The following ZNF385D variants were observed in gnomAD, a reference collection of about 807,000 sequenced individuals.
ZNF385D encodes the protein zinc finger protein 659.
Under a neutral mutation model 35.8 loss-of-function variants are expected in ZNF385D, and 15 were observed. The ratio of observed to expected loss-of-function variants is 0.42; its 90% CI spans 0.28 to 0.64. The LOEUF (loss-of-function observed/expected upper bound fraction) is 0.64, where lower values mean the gene tolerates loss of function less well. ZNF385D is among the 30% of genes least tolerant of loss of function. The pLI, the probability that ZNF385D is intolerant of heterozygous loss-of-function variation, is 0.23. For synonymous variants in ZNF385D, 212 were observed against 186.8 expected (o/e 1.13, Z -1.10); for missense variants, 474 against 494.6 (o/e 0.96, Z 0.39).
chr3:21,761,869 C>CTTTT lies in ZNF385D; in HGVS notation c.326-96845_326-96842dup, dbSNP rs58790934. On this transcript the variant is annotated intron_variant, in intron 3 of 5. Coordinates refer to the ZNF385D transcript ENST00000494108. ...TTATGATTTCAAGAGCATTTTCTTCCTTTTTTTTTTTTTTTTTTTTTTTTT... is the reference window on the plus strand; with the variant it reads ...TTATGATTTCAAGAGCATTTTCTTCCTTTTTTTTTTTTTTTTTTTTTTTTTTTTT... Among the ~76,000 whole-genome samples the CTTTT allele has an allele frequency of 5.4e-4, 42 of 77,222 alleles. 6 individuals carry two copies. The highest frequency in any genetic ancestry group is 1.9e-3 in the East Asian group (4 of 2,086). The allele number at this position is 77,222 out of a possible 152,430, so 50.7% of individuals were successfully genotyped here.
At chr3:21,700,326 G>A (rs2067634932) in intron 1 of ZNF385D, among the ~76,000 whole-genome samples, 1 of 152,086 alleles carries the variant, frequency 6.6e-6, no homozygotes, top group Non-Finnish European at 1.5e-5. Flanking sequence ...TGAGGGAATA[G>A]TCAGAAATAA....
intron 3 of ZNF385D, among the ~76,000 whole-genome samples, chr3:21,844,139 A>C (rs1695852745): frequency 6.6e-6 from 1 of 151,986 alleles, no homozygotes; most frequent in South Asian, 2.1e-4. Context: ...TATGTAATTT[A>C]ACCTTAAAAC....
intron 3 of ZNF385D, among the ~76,000 whole-genome samples, chr3:21,866,156 T>TTATTA (rs1034021058): frequency 1.7e-4 from 26 of 151,214 alleles, no homozygotes; most frequent in African/African-American, 5.6e-4. Flanking sequence ...AATCTGGTAT[T>TTATTA]AAAAAAAAAC....
chr3:21,450,356 G>T (rs1702385459), intron 4 of ZNF385D, among the ~76,000 whole-genome samples: 1 of 152,114 alleles, frequency 6.6e-6, no homozygotes, highest in Non-Finnish European at 1.5e-5. Flanking sequence ...CTCAGTAAAA[G>T]CAAAATAAAT....
chr3:21,436,011 G>A (rs1485418815), intron 5 of ZNF385D, among the ~76,000 whole-genome samples: 1 of 152,188 alleles, frequency 6.6e-6, no homozygotes, highest in African/African-American at 2.4e-5. Context: ...CTCAGGGTAT[G>A]ATTCACAAAT....
intron 4 of ZNF385D, among the ~76,000 whole-genome samples, chr3:21,492,776 A>AAAATAAATAAATAAATAAATAAAT (rs60627008): frequency 5.7e-5 from 8 of 140,986 alleles, no homozygotes; most frequent in African/African-American, 2.1e-4. Context: ...CTCTGTTTCA[A>AAAATAAATAAATAAATAAATAAAT]AAATAAATAA....
At position 21,780,388 on chromosome 3, in the gene ZNF385D, G is replaced by C. The variant is rs902819348; in HGVS notation, c.326-115360C>G. ...GTCACAGTTTACTGAGTTTTCCCCT[G>C]ACATTTTCCTCTTCCTCACCTACTT... On this transcript the variant is annotated intron_variant, in intron 3 of 5. Transcript: ENST00000494108. Among the ~76,000 whole-genome samples, 2 of 151,786 alleles carry C rather than the reference G, an allele frequency of 1.3e-5. 1 individual carries two copies. Among genetic ancestry groups the C allele is most frequent in the Non-Finnish European group, 2.9e-5 (2 of 67,920 alleles).
chr3:21,534,150 A>G (rs2061985256), intron 3 of ZNF385D, among the ~76,000 whole-genome samples: 1 of 152,050 alleles, frequency 6.6e-6, no homozygotes, highest in Non-Finnish European at 1.5e-5. Flanking sequence ...ACTTACTCAA[A>G]AATCACACAT....
intron 3 of ZNF385D, among the ~76,000 whole-genome samples, chr3:21,916,524 T>C (rs973833203): frequency 3.3e-5 from 5 of 152,182 alleles, no homozygotes; most frequent in African/African-American, 1.2e-4. Context: ...TACCCCAAAG[T>C]CACTATTTTA....
At chr3:22,231,302 C>T (rs1415394432) in intron 2 of ZNF385D, among the ~76,000 whole-genome samples, 5 of 152,070 alleles carry the variant, frequency 3.3e-5, no homozygotes, top group Non-Finnish European at 5.9e-5. Context: ...AATCAGTGTG[C>T]CTATTATAAG....
chr3:22,139,735 T>C (rs1704379796), intron 3 of ZNF385D, among the ~76,000 whole-genome samples: 3 of 152,046 alleles, frequency 2.0e-5, no homozygotes, highest in Admixed American at 2.0e-4. Flanking sequence ...CTGCACGTTA[T>C]GCACATGTAC....
intron 3 of ZNF385D, among the ~76,000 whole-genome samples, chr3:21,887,139 T>C (rs1698588811): frequency 6.6e-6 from 1 of 152,092 alleles, no homozygotes; most frequent in African/African-American, 2.4e-5. Flanking sequence ...AATTTTACCT[T>C]TGAGAAATTT....
chr3:21,816,729 G>T (rs1177797622), intron 3 of ZNF385D, among the ~76,000 whole-genome samples: 2 of 152,140 alleles, frequency 1.3e-5, no homozygotes, highest in East Asian at 3.8e-4. Flanking sequence ...TAGATAGGAA[G>T]AATCAATATC....
intron 2 of ZNF385D, among the ~76,000 whole-genome samples, chr3:21,640,983 T>C (rs977488288): frequency 9.9e-5 from 15 of 152,164 alleles, no homozygotes; most frequent in African/African-American, 3.6e-4. Context: ...GGTATGAAAA[T>C]GGTCACTGTT....
Position 21,592,043 on chromosome 3 carries a change from C to CTGA in ZNF385D, c.166-27362_166-27360dup, listed in dbSNP as rs537251794. 6.6e-5 allele frequency among the ~76,000 whole-genome samples: 10 copies of CTGA among 152,182 alleles called. No individual in the cohort carries two copies. In the South Asian group the frequency reaches 1.2e-3, roughly 19 times the overall value. On this transcript the variant is annotated intron_variant, in intron 2 of 7. Coordinates refer to ENST00000281523, the MANE Select transcript of ZNF385D (RefSeq NM_024697.3). Reference sequence around the variant, plus strand: ...GATATGTTAGTTAATCTCTTTAAGCCTGATTATTTATAAATGAGATAATAA... The same window carrying CTGA: ...GATATGTTAGTTAATCTCTTTAAGCCTGATGATTATTTATAAATGAGATAATAA...
At chr3:21,922,098 A>G (rs2125224574) in intron 3 of ZNF385D, among the ~76,000 whole-genome samples, 1 of 152,258 alleles carries the variant, frequency 6.6e-6, no homozygotes, top group South Asian at 2.1e-4. Context: ...AAAGATCTCT[A>G]CAAGGAGGAA....
intron 3 of ZNF385D, among the ~76,000 whole-genome samples, chr3:22,120,163 G>T (rs887313188): frequency 1.3e-5 from 2 of 151,796 alleles, no homozygotes; most frequent in Non-Finnish European, 2.9e-5. Flanking sequence ...CTTAATGAAG[G>T]TAGAGTGCCT....
chr3:22,356,060 G>T (rs1696134206), intron 2 of ZNF385D, among the ~76,000 whole-genome samples: 1 of 151,942 alleles, frequency 6.6e-6, no homozygotes, highest in Non-Finnish European at 1.5e-5. Flanking sequence ...AATAAAACTT[G>T]TTAATTTGTG....
chr3:21,770,637 G>A (rs976479195), intron 3 of ZNF385D, among the ~76,000 whole-genome samples: 3 of 152,308 alleles, frequency 2.0e-5, no homozygotes, highest in East Asian at 1.9e-4. Flanking sequence ...TTACACTGTT[G>A]GTGGGACTGT....
Sources: gnomAD v4.1 joint callset for allele counts (sites outside exome capture counted in the v4.1 genomes callset) on GRCh38, gnomAD v4.1.1 for gene constraint, MANE v1.5 for transcripts, NCBI Gene and HGNC (gene_info 2026-07-23, HGNC 2026-07-21) for gene names.